The following CALN1 variants were observed in gnomAD, a reference collection of about 807,000 sequenced individuals.
The protein encoded by CALN1 is calneuron 1, also known as calcium-binding protein 8.
A neutral mutation model predicts 30.6 loss-of-function variants in CALN1; 17 were observed. That is an observed-to-expected ratio of 0.56 (90% CI 0.38 to 0.83). The LOEUF (loss-of-function observed/expected upper bound fraction) is 0.83. CALN1 is among the 40% of genes least tolerant of loss of function. The pLI is 0.00. For synonymous variants in CALN1, 156 were observed against 131.4 expected, an observed-to-expected ratio of 1.19 and a Z score of -1.28; for missense variants, 291 against 354.9, an observed-to-expected ratio of 0.82 and a Z score of 1.45.
chr7:71,902,992 A>G (rs1160119510), intron 5 of CALN1, among the ~76,000 whole-genome samples: 1 of 152,062 alleles, frequency 6.6e-6, no homozygotes, highest in East Asian at 1.9e-4. Flanking sequence ...GGTGAGAGGA[A>G]GGTGAGGGAT....
At chr7:72,428,379 T>C (rs1807863850) in intron 1 of CALN1, among the ~76,000 whole-genome samples, 1 of 150,696 alleles carries the variant, frequency 6.6e-6, no homozygotes, top group South Asian at 2.1e-4. Context: ...TTTTTTTTTG[T>C]TTTTATTTTA....
intron 4 of CALN1, among the ~76,000 whole-genome samples, chr7:72,032,928 G>T (rs561836989): frequency 6.6e-6 from 1 of 152,296 alleles, no homozygotes; most frequent in African/African-American, 2.4e-5. Context: ...AAAGACAATG[G>T]TGAGTCTCTT....
intron 3 of CALN1, among the ~76,000 whole-genome samples, chr7:72,169,866 T>A (rs922719303): frequency 5.3e-5 from 8 of 151,916 alleles, no homozygotes; most frequent in Admixed American, 3.9e-4. Flanking sequence ...AGTTTTTGTA[T>A]CTTTTTAGTA....
chr7:72,413,864 G>A (rs1007852638), upstream of CALN1, among the ~76,000 whole-genome samples: 6 of 99,448 alleles, frequency 6.0e-5, no homozygotes, highest in Admixed American at 9.8e-5. Context: ...ACACACACTC[G>A]TATACACATG....
intron 5 of CALN1, among the ~76,000 whole-genome samples, chr7:71,848,050 T>C (rs1790423507): frequency 6.6e-6 from 1 of 152,170 alleles, no homozygotes; most frequent in Non-Finnish European, 1.5e-5. Flanking sequence ...CCCGCAATAG[T>C]GTTAGACCAA....
chr7:71,846,004 G>C (rs955243187), intron 5 of CALN1, among the ~76,000 whole-genome samples: 1 of 152,048 alleles, frequency 6.6e-6, no homozygotes, highest in African/African-American at 2.4e-5. Flanking sequence ...CGTGAGCTGA[G>C]ATTCCACTAC....
intron 5 of CALN1, among the ~76,000 whole-genome samples, chr7:71,881,456 C>T (rs1792560889): frequency 6.6e-6 from 1 of 152,208 alleles, no homozygotes; most frequent in Non-Finnish European, 1.5e-5. Context: ...ATAGCCCAGT[C>T]CTGGCACCTT....
intron 3 of CALN1, among the ~76,000 whole-genome samples, chr7:72,219,324 A>G (rs1778979898): frequency 6.6e-6 from 1 of 152,166 alleles, no homozygotes; most frequent in Admixed American, 6.5e-5. Context: ...ATCCTGGGCT[A>G]AAGTGATCCT....
At chr7:72,318,191 A>G (rs1029947205) in intron 2 of CALN1, among the ~76,000 whole-genome samples, 2 of 152,208 alleles carry the variant, frequency 1.3e-5, no homozygotes, top group African/African-American at 4.8e-5. Context: ...AGTCTTAAAC[A>G]TCTGTTCAGA....
intron 2 of CALN1, among the ~76,000 whole-genome samples, chr7:72,321,959 C>T (rs1010680700): frequency 2.0e-5 from 3 of 152,184 alleles, no homozygotes; most frequent in African/African-American, 4.8e-5. Context: ...ATTTTTGGCA[C>T]CAAGGACCAG....
chr7:72,329,829 C>T (rs1353861316), intron 2 of CALN1, among the ~76,000 whole-genome samples: 1 of 151,988 alleles, frequency 6.6e-6, no homozygotes, highest in Admixed American at 6.6e-5. Flanking sequence ...TGCCACGCAC[C>T]TGTAATTCCA....
At chr7:71,882,285 C>G (rs1205499504) in intron 5 of CALN1, among the ~76,000 whole-genome samples, 1 of 152,238 alleles carries the variant, frequency 6.6e-6, no homozygotes, top group Non-Finnish European at 1.5e-5. Context: ...CGTCTTCTCT[C>G]TATCTACCTG....
intron 4 of CALN1, among the ~76,000 whole-genome samples, chr7:72,084,927 A>C (rs1302500169): frequency 6.6e-6 from 1 of 152,142 alleles, no homozygotes; most frequent in Admixed American, 6.5e-5. Context: ...ATAAAATCTC[A>C]TGCCATCCCA....
At chr7:72,009,572 T>C (rs1799953527) in intron 5 of CALN1, among the ~76,000 whole-genome samples, 1 of 152,250 alleles carries the variant, frequency 6.6e-6, no homozygotes, top group Non-Finnish European at 1.5e-5. Flanking sequence ...GTAAGTTAGA[T>C]ATGGTTTGGC....
chr7:72,268,889 C>T (rs1252093773), intron 3 of CALN1, among the ~76,000 whole-genome samples: 1 of 152,058 alleles, frequency 6.6e-6, no homozygotes, highest in Non-Finnish European at 1.5e-5. Context: ...AACCCTCCCA[C>T]CATGTGCCAT....
intron 5 of CALN1, among the ~76,000 whole-genome samples, chr7:72,000,285 C>T (rs943345255): frequency 6.6e-6 from 1 of 151,928 alleles, no homozygotes; most frequent in Non-Finnish European, 1.5e-5. Context: ...CCTCTAGCAA[C>T]AGTGACAGAA....
the CALN1 span, among the ~76,000 whole-genome samples, chr7:72,458,960 G>T: frequency 6.8e-6 from 1 of 147,608 alleles, no homozygotes. Flanking sequence ...GCCCAGTGTG[G>T]AGTGCAGTGG....
intron 3 of CALN1, among the ~76,000 whole-genome samples, chr7:72,179,359 T>TA (rs2129545958): frequency 6.6e-6 from 1 of 152,286 alleles, no homozygotes; most frequent in African/African-American, 2.4e-5. Context: ...CATCTTGACT[T>TA]AGAGTAATGG....
At chr7:72,452,776 G>T in the CALN1 span, among the ~76,000 whole-genome samples, 1 of 152,100 alleles carries the variant, frequency 6.6e-6, no homozygotes, top group African/African-American at 2.4e-5. Context: ...TGTTTAAGGT[G>T]GGAGTGATTT....
Sources: allele counts gnomAD v4.1 joint callset (sites outside exome capture counted in the v4.1 genomes callset), GRCh38; gene constraint gnomAD v4.1.1; transcripts MANE v1.5; gene names NCBI Gene and HGNC (gene_info 2026-07-23, HGNC 2026-07-21).